CNTNAP5: variants seen among roughly 807,000 people sequenced by gnomAD.
The protein encoded by CNTNAP5 is contactin associated protein family member 5, also known as contactin-associated protein-like 5.
Under a neutral mutation model 150.2 loss-of-function variants are expected in CNTNAP5, and 72 were observed. That is an observed-to-expected ratio of 0.48 (90% confidence interval 0.40 to 0.58). The LOEUF (loss-of-function observed/expected upper bound fraction) is 0.58. Among genes scored for constraint, CNTNAP5 ranks in the 20% least tolerant of loss-of-function variants. The pLI is 0.00. For synonymous variants in CNTNAP5, 672 were observed against 619.8 expected, an observed-to-expected ratio of 1.08 and a Z score of -1.25; for missense variants, 1,636 against 1,626.2, an observed-to-expected ratio of 1.01 and a Z score of -0.10.
chr2:124,706,244 G>GA (rs142590123), intron 13 of CNTNAP5, among the ~76,000 whole-genome samples: 29 of 150,348 alleles, frequency 1.9e-4, no homozygotes, highest in East Asian at 3.9e-4. Flanking sequence ...GGTTTGAAAA[G>GA]AAAAAAAAAG....
intron 4 of CNTNAP5, among the ~76,000 whole-genome samples, chr2:124,419,988 C>CTTTTTTTT (rs772589224): frequency 3.8e-5 from 3 of 78,872 alleles, no homozygotes; most frequent in African/African-American, 4.9e-5. Context: ...TTCTTTCTTT[C>CTTTTTTTT]TTTTTTTTTT....
rs553427100 is a variant in CNTNAP5, at chr2:124,917,486, A to T, written c.*3198A>T. Among the ~76,000 whole-genome samples the T allele has an allele frequency of 6.6e-6, 1 of 152,074 alleles. No individual in the cohort carries two copies. The highest frequency in any genetic ancestry group is 2.4e-5 in the African/African-American group (1 of 41,446). On this transcript the variant is annotated 3_prime_UTR_variant, in exon 24 of 24. Coordinates refer to ENST00000682447, the MANE Select transcript of CNTNAP5 (RefSeq NM_001367498.1). ...TTGTCATTTCTATAGACATATTTTT[A>T]TGACTAACTTTGCCTCTTCTATTTA...
intron 4 of CNTNAP5, among the ~76,000 whole-genome samples, chr2:124,419,283 T>A (rs1222489049): frequency 6.6e-6 from 1 of 152,150 alleles, no homozygotes; most frequent in African/African-American, 2.4e-5. Context: ...TTTTTCTCAG[T>A]CTGTTCAGTT....
At chr2:124,608,614 A>T (rs907847832) in intron 11 of CNTNAP5, among the ~76,000 whole-genome samples, 5 of 152,154 alleles carry the variant, frequency 3.3e-5, no homozygotes, top group African/African-American at 1.2e-4. Context: ...TGCACTTACT[A>T]CATGTTATGT....
At chr2:124,380,656 T>G (rs975762497) in intron 3 of CNTNAP5, among the ~76,000 whole-genome samples, 1 of 152,280 alleles carries the variant, frequency 6.6e-6, no homozygotes, top group East Asian at 1.9e-4. Context: ...TCGAAATTTG[T>G]AATAAAGTCT....
chr2:124,234,382 A>G (rs1686696526), intron 2 of CNTNAP5, among the ~76,000 whole-genome samples: 1 of 152,224 alleles, frequency 6.6e-6, no homozygotes, highest in Non-Finnish European at 1.5e-5. Context: ...TGTGCTATGC[A>G]AGGTATTCAC....
chr2:124,857,520 C>A (rs935460883), intron 19 of CNTNAP5, among the ~76,000 whole-genome samples: 6 of 151,904 alleles, frequency 3.9e-5, no homozygotes, highest in African/African-American at 1.5e-4. Context: ...TTGGGATTTT[C>A]AAGATACGTA....
At chr2:124,574,284 C>T (rs1265556477) in intron 11 of CNTNAP5, among the ~76,000 whole-genome samples, 1 of 152,122 alleles carries the variant, frequency 6.6e-6, no homozygotes, top group Admixed American at 6.5e-5. Context: ...ATCCATGATT[C>T]CTCATGAATA....
At chr2:124,494,060 G>T (rs1014605264) in intron 7 of CNTNAP5, among the ~76,000 whole-genome samples, 1 of 147,332 alleles carries the variant, frequency 6.8e-6, no homozygotes, top group Non-Finnish European at 1.5e-5. Context: ...ATCAATAGGA[G>T]ACTGTGTGTG....
chr2:124,454,656 C>T (rs1693072157), intron 6 of CNTNAP5, among the ~76,000 whole-genome samples: 1 of 152,050 alleles, frequency 6.6e-6, no homozygotes, highest in Non-Finnish European at 1.5e-5. Flanking sequence ...AAATGAACCT[C>T]AATAAATTCA....
At chr2:124,206,351 G>A (rs1475352093) in intron 1 of CNTNAP5, among the ~76,000 whole-genome samples, 1 of 152,188 alleles carries the variant, frequency 6.6e-6, no homozygotes, top group East Asian at 1.9e-4. Context: ...TTATAATGAT[G>A]GTGATGACAG....
intron 1 of CNTNAP5, among the ~76,000 whole-genome samples, chr2:124,039,802 T>C (rs1009032466): frequency 2.0e-4 from 30 of 152,202 alleles, no homozygotes; most frequent in African/African-American, 6.8e-4. Context: ...TAGGATGGTA[T>C]ATTTAATGGA....
intron 1 of CNTNAP5, among the ~76,000 whole-genome samples, chr2:124,105,883 C>T (rs1347389823): frequency 2.0e-5 from 3 of 151,926 alleles, no homozygotes; most frequent in Non-Finnish European, 4.4e-5. Context: ...TGAGAATTTT[C>T]AATGGATCAT....
At chr2:124,671,947 T>G (rs1678832966) in intron 13 of CNTNAP5, among the ~76,000 whole-genome samples, 1 of 152,150 alleles carries the variant, frequency 6.6e-6, no homozygotes, top group Non-Finnish European at 1.5e-5. Context: ...GCCAAGACTC[T>G]TTTAAAGAAA....
At chr2:124,865,087 A>C (rs188185979) in intron 19 of CNTNAP5, among the ~76,000 whole-genome samples, 1 of 151,842 alleles carries the variant, frequency 6.6e-6, no homozygotes, top group Admixed American at 6.6e-5. Context: ...ACACACACAC[A>C]CACACTCTCT....
chr2:124,262,771 G>T (rs1687491676), intron 3 of CNTNAP5, among the ~76,000 whole-genome samples: 1 of 150,812 alleles, frequency 6.6e-6, no homozygotes, highest in Admixed American at 6.6e-5. Context: ...TTTACATTGG[G>T]TATATCTCCT....
chr2:124,570,583 G>A (rs547202018), intron 11 of CNTNAP5, among the ~76,000 whole-genome samples: 146 of 148,358 alleles, frequency 9.8e-4, no homozygotes, highest in African/African-American at 3.5e-3. Flanking sequence ...GCTAATATTT[G>A]TTTGTTGTTT....
intron 3 of CNTNAP5, among the ~76,000 whole-genome samples, chr2:124,263,572 C>A (rs184522639): frequency 6.0e-4 from 92 of 152,222 alleles, no homozygotes; most frequent in Non-Finnish European, 9.4e-4. Flanking sequence ...GAGTAGACTG[C>A]AAAAATTTTC....
At chr2:124,435,334 G>A (rs1692502766) in intron 5 of CNTNAP5, among the ~76,000 whole-genome samples, 1 of 152,028 alleles carries the variant, frequency 6.6e-6, no homozygotes, top group South Asian at 2.1e-4. Context: ...GGCAGGTCGC[G>A]TTCATTGTCA....
Sources: allele counts gnomAD v4.1 joint callset (sites outside exome capture counted in the v4.1 genomes callset), GRCh38; gene constraint gnomAD v4.1.1; transcripts MANE v1.5; gene names NCBI Gene and HGNC (gene_info 2026-07-23, HGNC 2026-07-21).